Variants in TRPC4AP observed in about 807,000 individuals in gnomAD.
TRPC4AP encodes the protein transient receptor potential cation channel subfamily C member 4 associated protein, also known as short transient receptor potential channel 4-associated protein.
In TRPC4AP, 45 loss-of-function variants were observed where a neutral mutation model predicts 99.0. That is an observed-to-expected ratio of 0.45 (90% CI 0.36 to 0.58). The LOEUF is 0.58. Among genes scored for constraint, TRPC4AP ranks in the 20% least tolerant of loss-of-function variants. The pLI is 0.00. For synonymous variants in TRPC4AP, 408 were observed against 385.8 expected (o/e 1.06, Z -0.67); for missense variants, 879 against 985.3 (o/e 0.89, Z 1.44).
At position 35,002,915 on chromosome 20, in the gene TRPC4AP, G is replaced by T. The variant is rs893222411; in HGVS notation, c.*231C>A. The T allele has an allele frequency of 3.9e-6, 2 of 513,282 alleles. No individual in the cohort carries two copies. Among genetic ancestry groups the T allele is most frequent in the Non-Finnish European group, 6.8e-6 (2 of 292,132 alleles). 31.8% of individuals were successfully genotyped at this position (513,282 alleles called of 1,614,324 possible). A position where few individuals can be genotyped will look rare whatever the true frequency, so the allele number is the denominator to read the frequency against. ...CTGGGCCCCAGGGTTCTGAAGGAAA[G>T]GTGGGCATGGTACCCTGTCCTCATT... On this transcript the variant is annotated 3_prime_UTR_variant, in exon 19 of 19. Transcript: ENST00000252015.
At chr20:35,070,516 T>C (rs1012658329) in intron 2 of TRPC4AP, among the ~76,000 whole-genome samples, 1 of 151,952 alleles carries the variant, frequency 6.6e-6, no homozygotes, top group Non-Finnish European at 1.5e-5. Context: ...GTTCACGCCA[T>C]TCTCCTGCCT....
At chr20:35,086,492 T>C (rs1449067833) in intron 1 of TRPC4AP, among the ~76,000 whole-genome samples, 1 of 142,252 alleles carries the variant, frequency 7.0e-6, no homozygotes, top group Non-Finnish European at 1.5e-5. Flanking sequence ...TGTGTATATA[T>C]ATATGTGTAT....
At chr20:35,010,114 G>T (rs2082599406) in intron 12 of TRPC4AP, 73 bp downstream of exon 12, 2 of 1,273,334 alleles carry the variant, frequency 1.6e-6, no homozygotes, top group South Asian at 2.4e-5. Context: ...ACCTGGATGT[G>T]CTCACCGGTG....
intron 8 of TRPC4AP, among the ~76,000 whole-genome samples, chr20:35,034,213 T>G (rs968226277): frequency 2.6e-5 from 4 of 151,876 alleles, no homozygotes; most frequent in Admixed American, 2.6e-4. Context: ...TCTTTTTATT[T>G]GCTTACCATC....
intron 1 of TRPC4AP, among the ~76,000 whole-genome samples, chr20:35,085,023 G>A (rs555162902): frequency 9.4e-4 from 143 of 152,132 alleles, no homozygotes; most frequent in Non-Finnish European, 1.5e-3. Context: ...TTTCAAGAGC[G>A]AAGAAAATAG....
Position 35,052,923 on chromosome 20 carries a change from C to T in TRPC4AP, c.528+2053G>A, listed in dbSNP as rs553495162. 4.4e-4 allele frequency among the ~76,000 whole-genome samples: 67 copies of T among 152,298 alleles called. 1 individual carries two copies. Among genetic ancestry groups the T allele is most frequent in the African/African-American group, 1.6e-3 (67 of 41,570 alleles). On this transcript the variant is annotated intron_variant, in intron 5 of 18. Coordinates refer to ENST00000252015, the MANE Select transcript of TRPC4AP (RefSeq NM_015638.3). ...AACATTTCCTGTTTTCTGCCTGATCCCTGGAGGCATTGGTGTTTGCAACCC... is the reference window on the plus strand; with the variant it reads ...AACATTTCCTGTTTTCTGCCTGATCTCTGGAGGCATTGGTGTTTGCAACCC...
At chr20:35,025,579 T>C (rs906709244) in intron 8 of TRPC4AP, among the ~76,000 whole-genome samples, 3 of 152,196 alleles carry the variant, frequency 2.0e-5, no homozygotes, top group African/African-American at 4.8e-5. Context: ...TCTATTCAGA[T>C]CCTTTGTCTA....
At chr20:35,034,324 G>C (rs994882625) in intron 8 of TRPC4AP, among the ~76,000 whole-genome samples, 1 of 151,716 alleles carries the variant, frequency 6.6e-6, no homozygotes, top group African/African-American at 2.4e-5. Flanking sequence ...CTAGTCTTCC[G>C]GGCTTGCCTC....
At chr20:35,003,807 A>AC (rs1367868055) in intron 17 of TRPC4AP, among the ~76,000 whole-genome samples, 191 bp from the exon 18 acceptor site, 1 of 152,014 alleles carries the variant, frequency 6.6e-6, no homozygotes, top group Non-Finnish European at 1.5e-5. Context: ...CTGACTGAGC[A>AC]CCTTCCTCTT....
At chr20:35,079,720 A>G (rs2084578986) in intron 1 of TRPC4AP, among the ~76,000 whole-genome samples, 1 of 152,188 alleles carries the variant, frequency 6.6e-6, no homozygotes, top group African/African-American at 2.4e-5. Context: ...ATGGACTTCG[A>G]AGGATGATAA....
At chr20:35,066,747 A>G (rs1181528120) in intron 3 of TRPC4AP, among the ~76,000 whole-genome samples, 1 of 152,250 alleles carries the variant, frequency 6.6e-6, no homozygotes, top group African/African-American at 2.4e-5. Context: ...CAATCTGACA[A>G]TCTAAAAATT....
chr20:35,033,641 C>T (rs1164583449), intron 8 of TRPC4AP, among the ~76,000 whole-genome samples: 1 of 152,070 alleles, frequency 6.6e-6, no homozygotes, highest in African/African-American at 2.4e-5. Flanking sequence ...CAGCTGTCTC[C>T]TTCCCTGGTT....
chr20:35,011,615 GCCTGTGACTGTGACCCACAACAC>G (rs71992264), intron 11 of TRPC4AP, among the ~76,000 whole-genome samples: 56,610 of 151,676 alleles, frequency 0.37, 12,297 homozygotes, highest in East Asian at 0.58. Context: ...TAAAATCCAG[GCCTGTGACTGTGACCCACAACAC>G]CCTGTGACTG....
chr20:35,080,509 A>C (rs1194773554), intron 1 of TRPC4AP, among the ~76,000 whole-genome samples: 2 of 150,388 alleles, frequency 1.3e-5, no homozygotes, highest in East Asian at 3.9e-4. Context: ...TCAAAACAGA[A>C]ACAAAAACAA....
chr20:35,055,900 C>T (rs1297747910), intron 4 of TRPC4AP, among the ~76,000 whole-genome samples: 1 of 152,140 alleles, frequency 6.6e-6, no homozygotes, highest in Non-Finnish European at 1.5e-5. Flanking sequence ...AGCATAAAAA[C>T]GAAACTTAAT....
At chr20:35,031,633 A>G (rs776371506) in intron 8 of TRPC4AP, among the ~76,000 whole-genome samples, 1 of 151,708 alleles carries the variant, frequency 6.6e-6, no homozygotes, top group Non-Finnish European at 1.5e-5. Context: ...TTTACATTAC[A>G]TTTGGGAGAT....
intron 7 of TRPC4AP, 36 bp downstream of exon 7, chr20:35,044,469 T>C (rs992093521): frequency 3.8e-6 from 6 of 1,588,282 alleles, no homozygotes; most frequent in Middle Eastern, 1.7e-4. Context: ...GCCTCAGAGC[T>C]ATAATCTCAA....
intron 7 of TRPC4AP, among the ~76,000 whole-genome samples, chr20:35,038,710 G>T (rs1037735716): frequency 1.3e-5 from 2 of 152,158 alleles, no homozygotes; most frequent in Non-Finnish European, 2.9e-5. Flanking sequence ...ACAGGGAGGG[G>T]AACAAACTCT....
intron 3 of TRPC4AP, among the ~76,000 whole-genome samples, chr20:35,068,486 G>C (rs1263970884): frequency 6.6e-6 from 1 of 152,070 alleles, no homozygotes; most frequent in Non-Finnish European, 1.5e-5. Context: ...CAGTCAACTG[G>C]GGCCTGGGTA....
Sources: gnomAD v4.1 joint callset for allele counts (sites outside exome capture counted in the v4.1 genomes callset) on GRCh38, gnomAD v4.1.1 for gene constraint, MANE v1.5 for transcripts, NCBI Gene and HGNC (gene_info 2026-07-23, HGNC 2026-07-21) for gene names.